The following TMEM229B variants were observed in gnomAD, a reference collection of about 807,000 sequenced individuals.
The protein encoded by TMEM229B is chromosome 14 open reading frame 83.
TMEM229B carries 6 observed loss-of-function variants against 13.7 expected under a neutral mutation model. The observed-to-expected ratio is 0.44, with a 90% CI of 0.24 to 0.86. The LOEUF (loss-of-function observed/expected upper bound fraction) is 0.86, where lower values mean the gene tolerates loss of function less well. Among genes scored for constraint, TMEM229B ranks in the 40% least tolerant of loss-of-function variants. The pLI is 0.23. For missense variants in TMEM229B, 170 were observed against 236.0 expected (o/e 0.72, Z 1.83); for synonymous variants, 107 against 102.1 (o/e 1.05, Z -0.29).
chr14:67,491,750 G>A (rs1224413852), upstream of TMEM229B, among the ~76,000 whole-genome samples: 2 of 152,140 alleles, frequency 1.3e-5, no homozygotes, highest in Non-Finnish European at 2.9e-5. Flanking sequence ...AGTAAGAAAA[G>A]CCCTGAGCAC....
chr14:67,508,754 A>AAAAAAAAAAAAAAAAAAC (rs71129829), intron 1 of TMEM229B, among the ~76,000 whole-genome samples: 2 of 102,842 alleles, frequency 1.9e-5, no homozygotes, highest in Non-Finnish European at 3.9e-5. Flanking sequence ...ACCTTGTCTC[A>AAAAAAAAAAAAAAAAAAC]AAAAAAAAAA....
chr14:67,493,979 C>T (rs1045938644), intron 1 of TMEM229B, among the ~76,000 whole-genome samples: 4 of 152,022 alleles, frequency 2.6e-5, no homozygotes, highest in Admixed American at 1.3e-4. Flanking sequence ...CTGAACCAAT[C>T]GGTACTGTTC....
At chr14:67,531,441 G>C (rs1273975137) in intron 1 of TMEM229B, among the ~76,000 whole-genome samples, 1 of 152,076 alleles carries the variant, frequency 6.6e-6, no homozygotes, top group Non-Finnish European at 1.5e-5. Context: ...CCTGCTCAGA[G>C]TTGGGCAATG....
At chr14:67,529,217 T>C (rs1484110580) in intron 1 of TMEM229B, among the ~76,000 whole-genome samples, 1 of 152,018 alleles carries the variant, frequency 6.6e-6, no homozygotes, top group Non-Finnish European at 1.5e-5. Context: ...TTCCCTCCCC[T>C]CCCCATCCGC....
upstream of TMEM229B, among the ~76,000 whole-genome samples, chr14:67,520,346 C>T (rs1395291170): frequency 6.6e-6 from 1 of 152,184 alleles, no homozygotes; most frequent in African/African-American, 2.4e-5. Context: ...TCATCTTTCC[C>T]TCCCCCTTAA....
chr14:67,474,353 G>A (rs963981286), intron 2 of TMEM229B, among the ~76,000 whole-genome samples: 1 of 152,126 alleles, frequency 6.6e-6, no homozygotes, highest in Non-Finnish European at 1.5e-5. Context: ...AGAGGGAGGT[G>A]TCTGTACTCC....
upstream of TMEM229B, among the ~76,000 whole-genome samples, chr14:67,519,973 T>C (rs1039393124): frequency 2.6e-5 from 4 of 152,148 alleles, no homozygotes; most frequent in South Asian, 6.2e-4. Context: ...TCCTCCCACC[T>C]CGGCCCCCCA....
chr14:67,483,277 C>T (rs2031694497), intron 2 of TMEM229B, among the ~76,000 whole-genome samples: 3 of 152,208 alleles, frequency 2.0e-5, no homozygotes, highest in Admixed American at 2.0e-4. Context: ...TCCCAAAGTG[C>T]TGGGATTATA....
intron 1 of TMEM229B, among the ~76,000 whole-genome samples, chr14:67,497,034 G>C (rs10148913): frequency 0.7 from 106,143 of 151,824 alleles, 38,147 homozygotes; most frequent in Middle Eastern, 0.81. Context: ...TCAGGTGATC[G>C]GCCCGCCTCA....
At chr14:67,530,537 C>A (rs1433555534) in intron 1 of TMEM229B, among the ~76,000 whole-genome samples, 3 of 152,216 alleles carry the variant, frequency 2.0e-5, no homozygotes, top group Non-Finnish European at 2.9e-5. Flanking sequence ...TCTCCTGTAA[C>A]TCCTAGAGTG....
At chr14:67,526,301 A>G (rs888757548) in intron 1 of TMEM229B, among the ~76,000 whole-genome samples, 23 of 139,418 alleles carry the variant, frequency 1.6e-4, no homozygotes, top group African/African-American at 5.7e-4. Flanking sequence ...AGGATCCTTG[A>G]CTTGCAGCTT....
chr14:67,526,172 C>T (rs2033364762), intron 1 of TMEM229B, among the ~76,000 whole-genome samples: 1 of 152,234 alleles, frequency 6.6e-6, no homozygotes, highest in Admixed American at 6.5e-5. Flanking sequence ...GCGCACTCTC[C>T]ATATCACCAC....
intron 2 of TMEM229B, among the ~76,000 whole-genome samples, chr14:67,477,851 C>T (rs1180569936): frequency 1.3e-5 from 2 of 152,196 alleles, no homozygotes; most frequent in Non-Finnish European, 2.9e-5. Flanking sequence ...ATTAATGGCA[C>T]CACCATGCAC....
At chr14:67,480,855 T>C (rs1242034275) in intron 2 of TMEM229B, among the ~76,000 whole-genome samples, 1 of 152,128 alleles carries the variant, frequency 6.6e-6, no homozygotes, top group African/African-American at 2.4e-5. Flanking sequence ...GTTTCCCAGC[T>C]GGTAACAGAC....
intron 1 of TMEM229B, among the ~76,000 whole-genome samples, chr14:67,506,991 A>C (rs2032851622): frequency 6.6e-6 from 1 of 152,108 alleles, no homozygotes; most frequent in African/African-American, 2.4e-5. Context: ...TAAAAACAAA[A>C]AAGGAAAGAA....
intron 2 of TMEM229B, among the ~76,000 whole-genome samples, chr14:67,480,792 G>A (rs2031538796): frequency 6.6e-6 from 1 of 152,190 alleles, no homozygotes; most frequent in African/African-American, 2.4e-5. Context: ...CCTTGAAGCT[G>A]ACTTTAAACC....
At chr14:67,528,633 A>G (rs534395405) in intron 1 of TMEM229B, among the ~76,000 whole-genome samples, 1 of 152,120 alleles carries the variant, frequency 6.6e-6, no homozygotes, top group East Asian at 1.9e-4. Flanking sequence ...CCAGCTCCCA[A>G]CTCAGGTGCT....
intron 1 of TMEM229B, among the ~76,000 whole-genome samples, chr14:67,507,860 T>A (rs915609996): frequency 6.6e-6 from 1 of 152,084 alleles, no homozygotes; most frequent in African/African-American, 2.4e-5. Flanking sequence ...ATGACTGGGC[T>A]GGGCATGTTG....
At chr14:67,478,310 G>C (rs1195628542) in intron 2 of TMEM229B, among the ~76,000 whole-genome samples, 2 of 152,158 alleles carry the variant, frequency 1.3e-5, no homozygotes, top group Non-Finnish European at 2.9e-5. Flanking sequence ...ACTGGCCAAG[G>C]GAAAGCCACC....
Sources: gnomAD v4.1 joint callset for allele counts (sites outside exome capture counted in the v4.1 genomes callset) on GRCh38, gnomAD v4.1.1 for gene constraint, MANE v1.5 for transcripts, NCBI Gene and HGNC (gene_info 2026-07-23, HGNC 2026-07-21) for gene names.